Variants in VWA5A observed in about 807,000 individuals in gnomAD.
The protein encoded by VWA5A is von Willebrand factor A domain-containing protein 5A.
In VWA5A, 77 loss-of-function variants were observed where a neutral mutation model predicts 84.6. That is an observed-to-expected ratio of 0.91 (90% CI 0.76 to 1.10). The LOEUF is 1.10. VWA5A is among the 50% of genes least tolerant of loss of function. VWA5A has a pLI of 0.00. For synonymous variants in VWA5A, 334 were observed against 350.1 expected, an observed-to-expected ratio of 0.95 and a Z score of 0.51; for missense variants, 973 against 963.0, an observed-to-expected ratio of 1.01 and a Z score of -0.14.
Position 124,118,974 on chromosome 11 carries a change from G to A in VWA5A, c.646-1G>A. ...GGCTCCTTTACCTGTCCTCCACTCAGGTTTCCCTGGCTGCTGGACACAAGT... is the reference window on the plus strand; with the variant it reads ...GGCTCCTTTACCTGTCCTCCACTCAAGTTTCCCTGGCTGCTGGACACAAGT... On this transcript the variant is annotated splice_acceptor_variant, in intron 6 of 18. Transcript: ENST00000456829. LOFTEE classifies it high-confidence loss of function. 1.9e-6 allele frequency: 3 copies of A among 1,614,016 alleles called. No individual in the cohort carries two copies. The highest frequency in any genetic ancestry group is 2.5e-6 in the Non-Finnish European group (3 of 1,179,952).
At chr11:124,116,949 C>G (rs1323779227) in intron 2 of VWA5A, among the ~76,000 whole-genome samples, 1 of 152,092 alleles carries the variant, frequency 6.6e-6, no homozygotes, top group Non-Finnish European at 1.5e-5. Flanking sequence ...ACATGCAGCG[C>G]GTCTCTGAAT....
rs1860593210 is a variant in VWA5A at position 124,136,691 on chromosome 11, C to CCTTCCTT, written c.1625+18_1625+19insTTCCTTC. Reference sequence around the variant, plus strand: ...TGATGTCAAGTGAGAATTCAGTTTTCCCTTCCTTCCTTCCTTCCTTCCTTC... The same window carrying CCTTCCTT: ...TGATGTCAAGTGAGAATTCAGTTTTCCTTCCTTCCTTCCTTCCTTCCTTCCTTCCTTC... On this transcript the variant is annotated intron_variant, in intron 14 of 18. Transcript: ENST00000456829. 5 of 1,095,956 alleles carry CCTTCCTT rather than the reference C, an allele frequency of 4.6e-6. No homozygotes were observed. Among genetic ancestry groups the CCTTCCTT allele is most frequent in the Non-Finnish European group, 6.3e-6 (5 of 792,788 alleles). 67.9% of individuals were successfully genotyped at this position (1,095,956 alleles called of 1,614,324 possible).
chr11:124,131,120 G>A (rs186127290), intron 11 of VWA5A, among the ~76,000 whole-genome samples: 75 of 151,918 alleles, frequency 4.9e-4, no homozygotes, highest in African/African-American at 1.8e-3. Context: ...CTTAGTGGGC[G>A]CCTGAAACTG....
chr11:124,142,822 C>G (rs1042035860), intron 17 of VWA5A, among the ~76,000 whole-genome samples: 3 of 152,122 alleles, frequency 2.0e-5, no homozygotes, highest in Admixed American at 2.0e-4. Context: ...AGCAAAAATC[C>G]TCTTCCACTT....
In VWA5A at chr11:124,137,134, T is replaced by C. The variant is rs1179460034; in HGVS notation, c.1745T>C (p.Ile582Thr). ...AACCTTAGCCTTGAGTCTGGTGTCA[T>C]AAGCTCCTTCACAGCTTTCATTGCT... ...ALNLSLESGV[I>T]SSFTAFIAIN... Residue 582 changes from isoleucine (I) to threonine (T), a missense_variant, in exon 15 of 19, where the codon ATA (isoleucine) becomes ACA (threonine). Coordinates refer to ENST00000456829, the MANE Select transcript of VWA5A (RefSeq NM_001130142.2). The C allele has an allele frequency of 6.2e-7, 1 of 1,614,060 alleles. No homozygotes were observed. Among genetic ancestry groups the C allele is most frequent in the East Asian group, 2.2e-5 (1 of 44,860 alleles).
chr11:124,123,570 C>T (rs1303559276), intron 9 of VWA5A, 90 bp from the exon 10 acceptor site: 1 of 1,610,736 alleles, frequency 6.2e-7, no homozygotes. Flanking sequence ...GGATAAGACT[C>T]TCTTTTAATG....
At chr11:124,141,139 G>A (rs1298012745) in intron 15 of VWA5A, among the ~76,000 whole-genome samples, 2 of 152,342 alleles carry the variant, frequency 1.3e-5, no homozygotes, top group East Asian at 3.9e-4. Context: ...ATAACAAAGA[G>A]ATTGGAAGTA....
Position 124,119,090 on chromosome 11 carries a change from G to A in VWA5A, c.760+1G>A, listed in dbSNP as rs1864890821. ...ATGGGGATGCCTAACATGAAGCCAG[G>A]TATTTTCTTTCTTCCTTTGTAGTCA... On this transcript the variant is annotated splice_donor_variant, in intron 7 of 18. Transcript: ENST00000456829. LOFTEE classifies it high-confidence loss of function. 1 of 1,613,380 alleles carries A rather than the reference G, an allele frequency of 6.2e-7. No homozygotes were observed. The highest frequency in any genetic ancestry group is 8.5e-7 in the Non-Finnish European group (1 of 1,179,584).
At chr11:124,131,230 G>A (rs190630985) in intron 11 of VWA5A, among the ~76,000 whole-genome samples, 1 of 152,042 alleles carries the variant, frequency 6.6e-6, no homozygotes, top group Non-Finnish European at 1.5e-5. Flanking sequence ...TGATACCTGA[G>A]GCTGCTACTA....
At chr11:124,128,309 G>T (rs1425358611) in intron 11 of VWA5A, among the ~76,000 whole-genome samples, 1 of 152,180 alleles carries the variant, frequency 6.6e-6, no homozygotes, top group African/African-American at 2.4e-5. Flanking sequence ...GTTTGTCAAA[G>T]ATTAGATGGT....
At position 124,145,236 on chromosome 11, in the gene VWA5A, G is replaced by A. The variant is rs1456719456; in HGVS notation, c.2155-1G>A. 1.9e-6 allele frequency: 3 copies of A among 1,612,568 alleles called. No individual in the cohort carries two copies. The highest frequency in any genetic ancestry group is 2.2e-5 in the East Asian group (1 of 44,826). On this transcript the variant is annotated splice_acceptor_variant, in intron 17 of 18. Transcript: ENST00000456829. LOFTEE classifies it high-confidence loss of function. Reference sequence around the variant, plus strand: ...ACTGGAGCTCTCTATCTACTGTGCAGCTTGTGGATTCCTCAGGCTGGGCCA... The same window carrying A: ...ACTGGAGCTCTCTATCTACTGTGCAACTTGTGGATTCCTCAGGCTGGGCCA...
intron 1 of VWA5A, 32 bp downstream of exon 1, chr11:124,115,514 G>A (rs1180983272): frequency 6.6e-6 from 1 of 152,182 alleles, no homozygotes; most frequent in Non-Finnish European, 1.5e-5. Flanking sequence ...GCAGGGCCTG[G>A]ATCCAACCCC....
intron 11 of VWA5A, among the ~76,000 whole-genome samples, chr11:124,129,648 A>G (rs1376650929): frequency 1.3e-5 from 2 of 151,920 alleles, no homozygotes; most frequent in African/African-American, 4.8e-5. Flanking sequence ...TTACTGCCTC[A>G]ATTTCGGAAC....
chr11:124,129,486 G>T (rs900617889), intron 11 of VWA5A, among the ~76,000 whole-genome samples: 4 of 152,088 alleles, frequency 2.6e-5, no homozygotes, highest in African/African-American at 9.7e-5. Context: ...AGATGATGCT[G>T]GCTTCATAAA....
chr11:124,146,572 G>C lies in VWA5A; in HGVS notation c.*627G>C, dbSNP rs924812224. ...TTTTCTTCCACTGCCTGAAAGACTT[G>C]GGTTGAACTATAACTGTTGGAGAGA... is the stretch of plus-strand genomic sequence containing the variant. On this transcript the variant is annotated 3_prime_UTR_variant, in exon 19 of 19. Coordinates refer to ENST00000456829, the MANE Select transcript of VWA5A (RefSeq NM_001130142.2). The C allele has an allele frequency of 8.5e-5, 13 of 152,334 alleles. No homozygotes were observed. Among genetic ancestry groups the C allele is most frequent in the African/African-American group, 2.9e-4 (12 of 41,406 alleles). The allele number at this position is 152,334 out of a possible 1,614,324, so 9.4% of individuals were successfully genotyped here.
intron 7 of VWA5A, among the ~76,000 whole-genome samples, chr11:124,119,327 A>G (rs112812299): frequency 7.2e-5 from 11 of 152,372 alleles, no homozygotes; most frequent in African/African-American, 2.6e-4. Flanking sequence ...AGGAACAGAT[A>G]ATTTACAAGA....
At chr11:124,127,306 G>C (rs575582820) in intron 11 of VWA5A, among the ~76,000 whole-genome samples, 1 of 152,116 alleles carries the variant, frequency 6.6e-6, no homozygotes, top group Non-Finnish European at 1.5e-5. Context: ...TGAGAATGAT[G>C]GTTTCCAACT....
chr11:124,126,447 T>C (rs556383464), intron 11 of VWA5A, among the ~76,000 whole-genome samples: 1 of 152,218 alleles, frequency 6.6e-6, no homozygotes, highest in Non-Finnish European at 1.5e-5. Context: ...ACCTTAAACA[T>C]ATAGAGATCT....
In VWA5A at chr11:124,147,653, T is replaced by C. The variant is rs951614534; in HGVS notation, c.*1708T>C. On this transcript the variant is annotated 3_prime_UTR_variant, in exon 19 of 19. Transcript: ENST00000456829. ...TAACAAGGCTCCCAGGTATCATGCA[T>C]GCACATTGAAGTTTGAAAAGTAAAG... is the stretch of plus-strand genomic sequence containing the variant. 1.3e-5 allele frequency: 2 copies of C among 152,244 alleles called. No individual in the cohort carries two copies. Among genetic ancestry groups the C allele is most frequent in the Admixed American group, 1.3e-4 (2 of 15,286 alleles). 9.4% of individuals were successfully genotyped at this position (152,244 alleles called of 1,614,324 possible). A position where few individuals can be genotyped will look rare whatever the true frequency, so the allele number is the denominator to read the frequency against.
Sources: allele counts gnomAD v4.1 joint callset (sites outside exome capture counted in the v4.1 genomes callset), GRCh38; gene constraint gnomAD v4.1.1; transcripts MANE v1.5; gene names NCBI Gene and HGNC (gene_info 2026-07-23, HGNC 2026-07-21).